Variants in SLMAP observed in about 807,000 individuals in gnomAD.
The protein encoded by SLMAP is sarcolemmal membrane-associated protein.
A neutral mutation model predicts 128.8 loss-of-function variants in SLMAP; 44 were observed. That is an observed-to-expected ratio of 0.34 (90% CI 0.27 to 0.44). SLMAP has a LOEUF of 0.44. Ranked by LOEUF, SLMAP falls within the 20% of genes least tolerant of loss-of-function variation. The pLI is 1.00. For missense variants in SLMAP, 787 were observed against 985.3 expected (o/e 0.80, Z 2.69); for synonymous variants, 327 against 348.8 (o/e 0.94, Z 0.70).
intron 2 of SLMAP, among the ~76,000 whole-genome samples, chr3:57,766,943 G>A (rs889928032): frequency 6.6e-6 from 1 of 151,626 alleles, no homozygotes; most frequent in Non-Finnish European, 1.5e-5. Flanking sequence ...TTTTGAGACA[G>A]GGTCCCTCTC....
chr3:57,867,374 G>C (rs1019109630), intron 13 of SLMAP, among the ~76,000 whole-genome samples: 3 of 152,086 alleles, frequency 2.0e-5, no homozygotes, highest in Non-Finnish European at 2.9e-5. Context: ...GTTCCAGTTG[G>C]TTCAGATGAA....
At position 57,853,753 on chromosome 3, in the gene SLMAP, C is replaced by T. The variant is rs536196437; in HGVS notation, c.519+3937C>T. On this transcript the variant is annotated intron_variant, in intron 6 of 24. Coordinates refer to ENST00000671191, the MANE Select transcript of SLMAP (RefSeq NM_001377540.1). Reference sequence around the variant, plus strand: ...GTCAGGAGTTCGAGACCAGCCTGACCGACATGGAGAAACCCCCGTCTCTAC... The same window carrying T: ...GTCAGGAGTTCGAGACCAGCCTGACTGACATGGAGAAACCCCCGTCTCTAC... Among the ~76,000 whole-genome samples the T allele has an allele frequency of 2.3e-4, 34 of 150,318 alleles. 1 individual carries two copies. The South Asian group carries it at 5.7e-3, about 25-fold the overall frequency.
chr3:57,813,751 T>C (rs1001929831), intron 2 of SLMAP, among the ~76,000 whole-genome samples: 2 of 152,176 alleles, frequency 1.3e-5, no homozygotes, highest in East Asian at 3.9e-4. Context: ...TGAATATCCA[T>C]GGTGGCTTTG....
chr3:57,900,189 T>C (rs529892998), intron 17 of SLMAP: 19 of 152,290 alleles, frequency 1.2e-4, no homozygotes, highest in South Asian at 8.3e-4. Flanking sequence ...AAGTTTTTTT[T>C]CCCCTTTTTT....
intron 6 of SLMAP, among the ~76,000 whole-genome samples, chr3:57,853,977 A>G (rs1386604291): frequency 7.7e-5 from 8 of 104,256 alleles, no homozygotes; most frequent in Non-Finnish European, 1.5e-4. Context: ...ATATATATAT[A>G]TATATATATA....
In SLMAP at chr3:57,820,290, G is replaced by A. The variant is rs149691105; in HGVS notation, c.199-11093G>A. Among the ~76,000 whole-genome samples, 630 of 152,048 alleles carry A rather than the reference G, an allele frequency of 4.1e-3. 6 individuals are homozygous for A. The highest frequency in any genetic ancestry group is 0.015 in the African/African-American group (611 of 41,448). On this transcript the variant is annotated intron_variant, in intron 2 of 24. Coordinates refer to ENST00000671191, the MANE Select transcript of SLMAP (RefSeq NM_001377540.1). ...ATTAATAATTTTGATATCCTTTGAG[G>A]TAATTAGAGACTTTTTGATGTCTAA... is the stretch of plus-strand genomic sequence containing the variant.
rs150130838 is a variant in SLMAP at position 57,888,426 on chromosome 3, G to A, written c.1301-1615G>A. On this transcript the variant is annotated intron_variant, in intron 14 of 24. Coordinates refer to ENST00000671191, the MANE Select transcript of SLMAP (RefSeq NM_001377540.1). ...GAGGTCAAGAGATCAAGATCATCCT[G>A]GCCAACATGGTGAAACCCCGTCTCT... 4.0e-3 allele frequency among the ~76,000 whole-genome samples: 609 copies of A among 152,132 alleles called. 6 individuals carry two copies. Among genetic ancestry groups the A allele is most frequent in the African/African-American group, 0.014 (592 of 41,498 alleles).
At chr3:57,792,734 A>G (rs2085768484) in intron 2 of SLMAP, among the ~76,000 whole-genome samples, 1 of 152,172 alleles carries the variant, frequency 6.6e-6, no homozygotes, top group African/African-American at 2.4e-5. Flanking sequence ...TGGGAAATGT[A>G]TTAATATGTT....
At chr3:57,807,669 A>ATG (rs2090156474) in intron 2 of SLMAP, among the ~76,000 whole-genome samples, 1 of 152,116 alleles carries the variant, frequency 6.6e-6, no homozygotes, top group South Asian at 2.1e-4. Context: ...AAGCTTTTTG[A>ATG]TGTGCTGCTG....
At chr3:57,856,315 A>G (rs1208599533) in intron 6 of SLMAP, among the ~76,000 whole-genome samples, 1 of 152,202 alleles carries the variant, frequency 6.6e-6, no homozygotes, top group African/African-American at 2.4e-5. Context: ...AAGTTTTAAA[A>G]CCTTTTTGAC....
chr3:57,772,191 G>A (rs2081030453), intron 2 of SLMAP, among the ~76,000 whole-genome samples: 1 of 152,202 alleles, frequency 6.6e-6, no homozygotes, highest in African/African-American at 2.4e-5. Context: ...AAGATTTAGG[G>A]TAGAGAATAA....
At chr3:57,927,072 T>C (rs2097023014) in intron 24 of SLMAP, among the ~76,000 whole-genome samples, 1 of 152,216 alleles carries the variant, frequency 6.6e-6, no homozygotes, top group Admixed American at 6.5e-5. Context: ...AGGACTTTCT[T>C]GGGACGTGTT....
At chr3:57,794,432 G>T (rs2086238193) in intron 2 of SLMAP, among the ~76,000 whole-genome samples, 1 of 151,964 alleles carries the variant, frequency 6.6e-6, no homozygotes, top group African/African-American at 2.4e-5. Flanking sequence ...GTTTTTTTAT[G>T]AATTTCTCAA....
chr3:57,843,498 G>A (rs1185173107), intron 4 of SLMAP, among the ~76,000 whole-genome samples: 3 of 150,930 alleles, frequency 2.0e-5, no homozygotes, highest in Non-Finnish European at 3.0e-5. Flanking sequence ...GTAGAGATGG[G>A]TTTTACCATG....
At chr3:57,923,134 T>A in intron 23 of SLMAP, 111 bp downstream of exon 23, 1 of 979,790 alleles carries the variant, frequency 1.0e-6, no homozygotes. Context: ...ACAGATGAAA[T>A]AGGCTTTTCA....
chr3:57,831,064 TAG>T (rs2093307810), intron 2 of SLMAP, among the ~76,000 whole-genome samples: 1 of 152,226 alleles, frequency 6.6e-6, no homozygotes, highest in African/African-American at 2.4e-5. Context: ...AACATGTTTT[TAG>T]TTCTCTTGGA....
chr3:57,906,171 C>T (rs1460598241), intron 17 of SLMAP, among the ~76,000 whole-genome samples: 4 of 151,334 alleles, frequency 2.6e-5, no homozygotes, highest in African/African-American at 4.9e-5. Flanking sequence ...AGTTTTGTAG[C>T]TAATGCAACA....
intron 4 of SLMAP, among the ~76,000 whole-genome samples, chr3:57,843,766 C>CTTTTT (rs2094092010): frequency 1.0e-5 from 1 of 99,334 alleles, no homozygotes; most frequent in Non-Finnish European, 2.0e-5. Flanking sequence ...CTCTTTCTTT[C>CTTTTT]TTTTCTTTCT....
chr3:57,879,600 A>G (rs561543962), intron 14 of SLMAP, among the ~76,000 whole-genome samples: 1 of 152,342 alleles, frequency 6.6e-6, no homozygotes, highest in East Asian at 1.9e-4. Context: ...TTGGTCATGT[A>G]TATTTGGGTA....
Sources: gnomAD v4.1 joint callset for allele counts (sites outside exome capture counted in the v4.1 genomes callset) on GRCh38, gnomAD v4.1.1 for gene constraint, MANE v1.5 for transcripts, NCBI Gene and HGNC (gene_info 2026-07-23, HGNC 2026-07-21) for gene names.